Variants in NIBAN2 observed in about 807,000 individuals in gnomAD.
The protein encoded by NIBAN2 is niban apoptosis regulator 2.
Under a neutral mutation model 81.8 loss-of-function variants are expected in NIBAN2, and 36 were observed. The ratio of observed to expected loss-of-function variants is 0.44; its 90% CI spans 0.34 to 0.58. The LOEUF is 0.58. Among genes scored for constraint, NIBAN2 ranks in the 20% least tolerant of loss-of-function variants. The probability of loss-of-function intolerance (pLI) is 0.02; values close to 1 mark genes in which losing one functional copy is unlikely to be tolerated. For missense variants in NIBAN2, 897 were observed against 1,014.1 expected (o/e 0.88, Z 1.57); for synonymous variants, 445 against 441.6 (o/e 1.01, Z -0.10).
intron 1 of NIBAN2, among the ~76,000 whole-genome samples, 163 bp from the exon 2 acceptor site, chr9:127,531,941 C>T (rs550185985): frequency 2.6e-5 from 4 of 152,248 alleles, no homozygotes; most frequent in Admixed American, 2.0e-4. Context: ...GCCAGAGCCC[C>T]GCGTTTCCTG....
chr9:127,529,363 G>A (rs1339999129), intron 2 of NIBAN2, among the ~76,000 whole-genome samples: 1 of 152,264 alleles, frequency 6.6e-6, no homozygotes, highest in Non-Finnish European at 1.5e-5. Flanking sequence ...TTTTAGCCGG[G>A]CGCTGTGGCT....
chr9:127,550,264 C>T lies in NIBAN2; in HGVS notation c.56-18486G>A, dbSNP rs535481029. On this transcript the variant is annotated intron_variant, in intron 1 of 13. Coordinates refer to ENST00000373312, the MANE Select transcript of NIBAN2 (RefSeq NM_022833.4). Reference sequence around the variant, plus strand: ...ACGCCCTGATGCCCTCCACCTGGGACATGAGACAACGCTCCTTCCTGACAC... The same window carrying T: ...ACGCCCTGATGCCCTCCACCTGGGATATGAGACAACGCTCCTTCCTGACAC... Among the ~76,000 whole-genome samples the T allele has an allele frequency of 5.3e-5, 8 of 152,300 alleles. No individual in the cohort carries two copies. The South Asian group carries it at 1.5e-3, about 28-fold the overall frequency.
chr9:127,531,607 G>C, intron 2 of NIBAN2, 41 bp downstream of exon 2: 2 of 1,591,050 alleles, frequency 1.3e-6, no homozygotes, highest in Non-Finnish European at 1.7e-6. Context: ...CACATGGCGA[G>C]AAGTAGCAGA....
At chr9:127,573,257 G>T (rs1166090790), upstream of NIBAN2, among the ~76,000 whole-genome samples, 5 of 152,032 alleles carry the variant, frequency 3.3e-5, no homozygotes, top group Non-Finnish European at 7.4e-5. Context: ...CCCTGGCATG[G>T]ACTGGTGGGA....
At chr9:127,539,934 G>A (rs999659679) in intron 1 of NIBAN2, among the ~76,000 whole-genome samples, 1 of 152,152 alleles carries the variant, frequency 6.6e-6, no homozygotes, top group Non-Finnish European at 1.5e-5. Flanking sequence ...TTTCCCCTCT[G>A]CAAAATGGCA....
rs923209613 is a variant in NIBAN2, at chr9:127,517,413, G to T, written c.706-197C>A. 6.6e-6 allele frequency among the ~76,000 whole-genome samples: 1 copy of T among 152,136 alleles called. No homozygotes were observed. The highest frequency in any genetic ancestry group is 2.4e-5 in the African/African-American group (1 of 41,410). The stretch of plus-strand genomic sequence containing the variant: ...ACTCATCTGCCTGGGTGTCCTGTAG[G>T]ATCCTCAGACTCAAGGGCCAGCCCC... On this transcript the variant is annotated intron_variant, in intron 6 of 13. Transcript: ENST00000373312. This position sits in a 1 kb window ranked among gnomAD's most constrained non-coding sequence, Gnocchi z 4.0.
Position 127,517,700 on chromosome 9 carries a change from A to G in NIBAN2, c.705+126T>C. ...ACTGGCCCTGCACTTGTCCAAATCT[A>G]AGCATGTCATCTCCTTCCAAACCGG... is the stretch of plus-strand genomic sequence containing the variant. On this transcript the variant is annotated intron_variant, in intron 6 of 13. Transcript: ENST00000373312. The surrounding 1 kb of genome is among the most constrained non-coding windows in gnomAD (Gnocchi z 4.0). 1 of 691,450 alleles carries G rather than the reference A, an allele frequency of 1.4e-6. No homozygotes were observed. 42.8% of individuals were successfully genotyped at this position (691,450 alleles called of 1,614,324 possible). A position where few individuals can be genotyped will look rare whatever the true frequency, so the allele number is the denominator to read the frequency against.
intron 5 of NIBAN2, among the ~76,000 whole-genome samples, chr9:127,520,754 C>G (rs1217366324): frequency 2.0e-5 from 3 of 151,984 alleles, no homozygotes; most frequent in South Asian, 4.1e-4. Flanking sequence ...TGTGGTGGCA[C>G]ACGCCTGTAG....
intron 8 of NIBAN2, among the ~76,000 whole-genome samples, chr9:127,512,609 G>A (rs1014685698): frequency 6.6e-5 from 10 of 152,082 alleles, no homozygotes; most frequent in Non-Finnish European, 1.5e-5. Context: ...TTGATTGATG[G>A]CTCAGGTTTC....
chr9:127,539,879 G>A (rs890065457), intron 1 of NIBAN2, among the ~76,000 whole-genome samples: 2 of 152,246 alleles, frequency 1.3e-5, no homozygotes, highest in African/African-American at 4.8e-5. Context: ...CCACCTATGA[G>A]CTGTGTGGCC....
Position 127,517,846 on chromosome 9 carries a change from G to A in NIBAN2, c.685C>T (p.Leu229=). 1 of 1,613,590 alleles carries A rather than the reference G, an allele frequency of 6.2e-7. No individual in the cohort carries two copies. The highest frequency in any genetic ancestry group is 8.5e-7 in the Non-Finnish European group (1 of 1,179,778). ...CTCACCTGCACCTCGTTCCCACACA[G>A]CATCTCCCAGGTGCCGTACAGCTCC... ...SKELYGTWEM[L]CGNEVQILSN... Residue 229 remains leucine (L), a synonymous_variant, in exon 6 of 14, where the codon CTG becomes TTG. Coordinates refer to ENST00000373312, the MANE Select transcript of NIBAN2 (RefSeq NM_022833.4). The surrounding 1 kb of genome is among the most constrained non-coding windows in gnomAD (Gnocchi z 4.0).
At chr9:127,514,573 A>C (rs891074906) in intron 8 of NIBAN2, among the ~76,000 whole-genome samples, 1 of 152,230 alleles carries the variant, frequency 6.6e-6, no homozygotes, top group Admixed American at 6.5e-5. Flanking sequence ...TTTGAACAAA[A>C]AGAACAACAG....
rs1327137541 is a variant in NIBAN2, at chr9:127,545,645, G to T, written c.56-13867C>A. 6.6e-6 allele frequency among the ~76,000 whole-genome samples: 1 copy of T among 152,170 alleles called. No individual in the cohort carries two copies. The highest frequency in any genetic ancestry group is 6.5e-5 in the Admixed American group (1 of 15,284). The stretch of plus-strand genomic sequence containing the variant: ...GGTTGGCAAATATTTAACCAGGGCT[G>T]GGCCACAACAGGTCTGGTGGGGAAG... On this transcript the variant is annotated intron_variant, in intron 1 of 13. Coordinates refer to ENST00000373312, the MANE Select transcript of NIBAN2 (RefSeq NM_022833.4). The surrounding 1 kb of genome is among the most constrained non-coding windows in gnomAD (Gnocchi z 4.7).
Position 127,556,114 on chromosome 9 carries a change from G to A in NIBAN2, c.55+12706C>T, listed in dbSNP as rs985410410. The stretch of plus-strand genomic sequence containing the variant: ...TAGACAGGAACCCAGAGAGAGAGCC[G>A]CCCTTCCAAGAAAGACTCTACCCGC... On this transcript the variant is annotated intron_variant, in intron 1 of 13. Transcript: ENST00000373312. Among the ~76,000 whole-genome samples the A allele has an allele frequency of 3.9e-5, 6 of 151,954 alleles. No homozygotes were observed. In the East Asian group the frequency reaches 7.8e-4, roughly 20 times the overall value.
Position 127,554,555 on chromosome 9 carries a change from T to C in NIBAN2, c.55+14265A>G, listed in dbSNP as rs949023368. On this transcript the variant is annotated intron_variant, in intron 1 of 13. Coordinates refer to ENST00000373312, the MANE Select transcript of NIBAN2 (RefSeq NM_022833.4). Reference sequence around the variant, plus strand: ...TCTTTTCTTTTTCTTTTTCTTTTTTTTTTTTTTTTTTTTTTTGCTTTTTGA... The same window carrying C: ...TCTTTTCTTTTTCTTTTTCTTTTTTCTTTTTTTTTTTTTTTTGCTTTTTGA... Among the ~76,000 whole-genome samples the C allele has an allele frequency of 4.3e-3, 621 of 142,982 alleles. 6 individuals carry two copies. The East Asian group carries it at 0.061, about 14-fold the overall frequency. The allele number at this position is 142,982 out of a possible 152,430, so 93.8% of individuals were successfully genotyped here.
intron 8 of NIBAN2, among the ~76,000 whole-genome samples, chr9:127,513,071 A>G (rs1316345853): frequency 6.6e-6 from 1 of 152,166 alleles, no homozygotes; most frequent in East Asian, 1.9e-4. Flanking sequence ...CTGCAACAAC[A>G]TGGTTGGAGC....
rs903825026 is a variant in NIBAN2 at position 127,559,848 on chromosome 9, T to A, written c.55+8972A>T. On this transcript the variant is annotated intron_variant, in intron 1 of 13. Transcript: ENST00000373312. This position sits in a 1 kb window ranked among gnomAD's most constrained non-coding sequence, Gnocchi z 4.0. ...GGCCTCCCTTGGCCAATGTCCTATGTGAACCACATAGAACGGTAACAGTGG... is the reference window on the plus strand; with the variant it reads ...GGCCTCCCTTGGCCAATGTCCTATGAGAACCACATAGAACGGTAACAGTGG... Among the ~76,000 whole-genome samples, 19 of 152,290 alleles carry A rather than the reference T, an allele frequency of 1.2e-4. No individual in the cohort carries two copies. The highest frequency in any genetic ancestry group is 4.1e-4 in the African/African-American group (17 of 41,560).
intron 2 of NIBAN2, among the ~76,000 whole-genome samples, chr9:127,530,503 C>T (rs1050631165): frequency 1.3e-5 from 2 of 151,988 alleles, no homozygotes; most frequent in Non-Finnish European, 1.5e-5. Flanking sequence ...GAGTCAATCA[C>T]AGGTTCCTCT....
rs556266003 is a variant in NIBAN2, at chr9:127,559,525, C to T, written c.55+9295G>A. ...GAATAAATCAGAGGTGACTGGAGCA[C>T]GAGTGGGTGGGCAGCTTCTTCCCAA... is the stretch of plus-strand genomic sequence containing the variant. On this transcript the variant is annotated intron_variant, in intron 1 of 13. Coordinates refer to ENST00000373312, the MANE Select transcript of NIBAN2 (RefSeq NM_022833.4). The surrounding 1 kb of genome is among the most constrained non-coding windows in gnomAD (Gnocchi z 4.0). 2.6e-4 allele frequency among the ~76,000 whole-genome samples: 39 copies of T among 152,312 alleles called. No homozygotes were observed. Among genetic ancestry groups the T allele is most frequent in the Non-Finnish European group, 4.7e-4 (32 of 68,016 alleles).
Sources: allele counts gnomAD v4.1 joint callset (sites outside exome capture counted in the v4.1 genomes callset), GRCh38; gene constraint gnomAD v4.1.1; non-coding constraint Gnocchi (gnomAD v3.1); transcripts MANE v1.5; gene names NCBI Gene and HGNC (gene_info 2026-07-23, HGNC 2026-07-21).